The following RBFOX3 variants were observed in gnomAD, a reference collection of about 807,000 sequenced individuals.
RBFOX3 encodes the protein RNA binding fox-1 homolog 3.
Under a neutral mutation model 48.7 loss-of-function variants are expected in RBFOX3, and 17 were observed. The observed-to-expected ratio is 0.35, with a 90% CI of 0.24 to 0.52. RBFOX3 has a LOEUF of 0.52. Ranked by LOEUF, RBFOX3 falls within the 20% of genes least tolerant of loss-of-function variation. The probability of loss-of-function intolerance (pLI) is 0.94; values close to 1 mark genes in which losing one functional copy is unlikely to be tolerated. For synonymous variants in RBFOX3, 212 were observed against 209.5 expected (o/e 1.01, Z -0.10); for missense variants, 382 against 497.5 (o/e 0.77, Z 2.21).
chr17:79,620,216 C>A, the RBFOX3 span, among the ~76,000 whole-genome samples: 1 of 149,812 alleles, frequency 6.7e-6, no homozygotes, highest in Non-Finnish European at 1.5e-5. Flanking sequence ...CATGCACACA[C>A]AGGGACATGC....
rs2093485237 is a variant in RBFOX3 at position 79,593,665 on chromosome 17, G to GT, written c.-320+17160dup. 2.0e-5 allele frequency among the ~76,000 whole-genome samples: 3 copies of GT among 152,216 alleles called. No individual in the cohort carries two copies. The South Asian group carries it at 6.2e-4, about 31-fold the overall frequency. On this transcript the variant is annotated intron_variant, in intron 1 of 14. Transcript: ENST00000693108. ...TCACTTTAGATAACTTTGTGATGTGGTTGTGTCTCCTGCAAATGTTAGTTT... is the reference window on the plus strand; with the variant it reads ...TCACTTTAGATAACTTTGTGATGTGGTTTGTGTCTCCTGCAAATGTTAGTTT...
chr17:79,449,369 A>T (rs979709612), intron 2 of RBFOX3, among the ~76,000 whole-genome samples: 1 of 151,310 alleles, frequency 6.6e-6, no homozygotes, highest in Non-Finnish European at 1.5e-5. Flanking sequence ...GCTGTCCCCA[A>T]ACTTTCTCCC....
At chr17:79,389,400 G>A (rs143831595) in intron 2 of RBFOX3, among the ~76,000 whole-genome samples, 82 of 152,260 alleles carry the variant, frequency 5.4e-4, no homozygotes, top group African/African-American at 1.7e-3. Flanking sequence ...ACTTCTCCCC[G>A]TCAGTAATGC....
chr17:79,412,545 ATG>A (rs2064589585), intron 2 of RBFOX3, among the ~76,000 whole-genome samples: 1 of 148,420 alleles, frequency 6.7e-6, no homozygotes, highest in Non-Finnish European at 1.5e-5. Flanking sequence ...CATGTGTTGT[ATG>A]TGATATGTGT....
chr17:79,325,948 A>C (rs1284632402), intron 2 of RBFOX3, among the ~76,000 whole-genome samples: 1 of 152,240 alleles, frequency 6.6e-6, no homozygotes, highest in Non-Finnish European at 1.5e-5. Context: ...GACCAACTGC[A>C]CTTTCAGAGG....
At chr17:79,173,783 T>C (rs1049201277) in intron 4 of RBFOX3, among the ~76,000 whole-genome samples, 9 of 152,156 alleles carry the variant, frequency 5.9e-5, no homozygotes, top group Non-Finnish European at 8.8e-5. Context: ...TGTCTTGCCA[T>C]GCAGCTGGAG....
Position 79,442,192 on chromosome 17 carries a change from G to A in RBFOX3, c.-175+40262C>T, listed in dbSNP as rs146040520. ...CCACAGCTGCTGGGGACCACTGGCA[G>A]AAGAGAGAGGAGGAGGGAGGGGGAG... On this transcript the variant is annotated intron_variant, in intron 2 of 14. Transcript: ENST00000693108. 2.5e-3 allele frequency among the ~76,000 whole-genome samples: 352 copies of A among 140,408 alleles called. 18 individuals are homozygous for A. Among genetic ancestry groups the A allele is most frequent in the African/African-American group, 9.1e-3 (337 of 36,958 alleles). The allele number at this position is 140,408 out of a possible 152,430, so 92.1% of individuals were successfully genotyped here.
rs117691300 is a variant in RBFOX3 at position 79,146,298 on chromosome 17, G to A, written c.-33-30550C>T. On this transcript the variant is annotated intron_variant, in intron 4 of 14. Transcript: ENST00000693108. ...AGATGCTGCTCCACCTCCTACAGAC[G>A]CCCATCAGAGTCTGACCCAGCCTGG... 8.8e-3 allele frequency among the ~76,000 whole-genome samples: 1,336 copies of A among 152,262 alleles called. 6 individuals carry two copies. Among genetic ancestry groups the A allele is most frequent in the Non-Finnish European group, 0.014 (935 of 68,028 alleles).
At chr17:79,183,620 GAGAGATCGGGCGAGCGGGCGAGAGCA>G (rs1404275920) in intron 4 of RBFOX3, 1 of 152,412 alleles carries the variant, frequency 6.6e-6, no homozygotes, top group Non-Finnish European at 1.5e-5. Flanking sequence ...GTCTGTGCGC[GAGAGATCGGGCGAGCGGGCGAGAGCA>G]GGAGTCAGTC....
intron 2 of RBFOX3, among the ~76,000 whole-genome samples, chr17:79,474,145 CG>C (rs1171338745): frequency 3.9e-5 from 6 of 152,088 alleles, no homozygotes; most frequent in Non-Finnish European, 8.8e-5. Context: ...GAAGAAATTC[CG>C]GAATCACATC....
At chr17:79,412,300 A>T (rs1391968560) in intron 2 of RBFOX3, among the ~76,000 whole-genome samples, 1 of 150,400 alleles carries the variant, frequency 6.6e-6, no homozygotes, top group Non-Finnish European at 1.5e-5. Context: ...GTGTGTATGT[A>T]TGTGGGCATG....
Position 79,090,353 on chromosome 17 carries a change from G to T in RBFOX3, c.*530C>A, listed in dbSNP as rs2073656878. On this transcript the variant is annotated 3_prime_UTR_variant, in exon 15 of 15. Transcript: ENST00000693108. ...CAGGGGACGCGACAGGAGGGTGACG[G>T]GGCCCAGTGGAGCCCCTGGGATGAA... 1 of 153,204 alleles carries T rather than the reference G, an allele frequency of 6.5e-6. No individual in the cohort carries two copies. The highest frequency in any genetic ancestry group is 2.4e-5 in the African/African-American group (1 of 41,478). The allele number at this position is 153,204 out of a possible 1,614,324, so 9.5% of individuals were successfully genotyped here.
At chr17:79,314,906 C>CT (rs57401166) in intron 2 of RBFOX3, among the ~76,000 whole-genome samples, 132 of 151,880 alleles carry the variant, frequency 8.7e-4, no homozygotes, top group African/African-American at 3.0e-3. Flanking sequence ...GTGATCCTTC[C>CT]TTTTTTTTTT....
chr17:79,287,766 G>T (rs1279035557), intron 3 of RBFOX3, among the ~76,000 whole-genome samples: 4 of 152,324 alleles, frequency 2.6e-5, no homozygotes, highest in South Asian at 2.1e-4. Context: ...GTCCAGGCAG[G>T]TTGGGCTCCC....
intron 3 of RBFOX3, among the ~76,000 whole-genome samples, chr17:79,283,265 C>CTTTT (rs11307023): frequency 3.5e-5 from 4 of 114,570 alleles, no homozygotes; most frequent in Non-Finnish European, 3.5e-5. Context: ...TGTTCCTTTT[C>CTTTT]TTTTTTTTTT....
At chr17:79,316,512 A>T (rs538043075) in intron 2 of RBFOX3, among the ~76,000 whole-genome samples, 67 of 152,318 alleles carry the variant, frequency 4.4e-4, no homozygotes, top group African/African-American at 1.6e-3. Context: ...CGCTCTGCTC[A>T]ATGCAATGGA....
At chr17:79,239,844 G>C (rs572135879) in intron 3 of RBFOX3, among the ~76,000 whole-genome samples, 1 of 152,376 alleles carries the variant, frequency 6.6e-6, no homozygotes, top group Non-Finnish European at 1.5e-5. Context: ...GGTCAGAGCT[G>C]GACCCCTGTT....
Position 79,243,080 on chromosome 17 carries a change from A to C in RBFOX3, c.-73-7275T>G, listed in dbSNP as rs974349864. 1.3e-5 allele frequency among the ~76,000 whole-genome samples: 2 copies of C among 152,088 alleles called. No individual in the cohort carries two copies. Among genetic ancestry groups the C allele is most frequent in the Non-Finnish European group, 2.9e-5 (2 of 68,010 alleles). On this transcript the variant is annotated intron_variant, in intron 3 of 14. Coordinates refer to ENST00000693108, the MANE Select transcript of RBFOX3 (RefSeq NM_001350451.2). This position sits in a 1 kb window ranked among gnomAD's most constrained non-coding sequence, Gnocchi z 7.9. ...ATTGATGATGTCATTTCAGCTTTAC[A>C]ACCACCCTAGGGGGCAGGTACTATG...
intron 4 of RBFOX3, among the ~76,000 whole-genome samples, chr17:79,141,329 C>A (rs897654990): frequency 7.2e-5 from 11 of 152,174 alleles, no homozygotes; most frequent in African/African-American, 2.4e-4. Context: ...CAGCCAGGAG[C>A]CCCCTTTGCT....
Sources: allele counts gnomAD v4.1 joint callset (sites outside exome capture counted in the v4.1 genomes callset), GRCh38; gene constraint gnomAD v4.1.1; non-coding constraint Gnocchi (gnomAD v3.1); transcripts MANE v1.5; gene names NCBI Gene and HGNC (gene_info 2026-07-23, HGNC 2026-07-21).